The following MARCHF4 variants were observed in gnomAD, a reference collection of about 807,000 sequenced individuals.
MARCHF4 encodes E3 ubiquitin-protein ligase MARCHF4.
Under a neutral mutation model 43.9 loss-of-function variants are expected in MARCHF4, and 14 were observed. That is an observed-to-expected ratio of 0.32 (90% confidence interval 0.21 to 0.50). The LOEUF is 0.50. Among genes scored for constraint, MARCHF4 ranks in the 20% least tolerant of loss-of-function variants. MARCHF4 has a pLI of 0.98. For missense variants in MARCHF4, 468 were observed against 536.7 expected, an observed-to-expected ratio of 0.87 and a Z score of 1.27; for synonymous variants, 226 against 213.3, an observed-to-expected ratio of 1.06 and a Z score of -0.52.
At chr2:216,353,442 G>C (rs1166741976) in intron 1 of MARCHF4, among the ~76,000 whole-genome samples, 1 of 152,228 alleles carries the variant, frequency 6.6e-6, no homozygotes, top group Non-Finnish European at 1.5e-5. Context: ...GAAAGGTGCA[G>C]ATGTATTCAC....
chr2:216,289,192 C>T (rs1048198350), intron 1 of MARCHF4, among the ~76,000 whole-genome samples: 4 of 151,524 alleles, frequency 2.6e-5, no homozygotes, highest in Non-Finnish European at 4.4e-5. Context: ...TATTAACGAG[C>T]TTTACTCACT....
At chr2:216,281,910 T>C (rs1473158188) in intron 2 of MARCHF4, among the ~76,000 whole-genome samples, 2 of 152,192 alleles carry the variant, frequency 1.3e-5, no homozygotes, top group African/African-American at 2.4e-5. Flanking sequence ...TTTCATTTTT[T>C]ACCCCCAGGA....
intron 1 of MARCHF4, among the ~76,000 whole-genome samples, chr2:216,343,361 CT>C (rs1351308101): frequency 6.6e-6 from 1 of 152,164 alleles, no homozygotes; most frequent in Non-Finnish European, 1.5e-5. Context: ...TTGCTGTATT[CT>C]TACATGGCCG....
At chr2:216,317,757 C>T (rs934522652) in intron 1 of MARCHF4, among the ~76,000 whole-genome samples, 4 of 152,196 alleles carry the variant, frequency 2.6e-5, no homozygotes, top group Non-Finnish European at 4.4e-5. Flanking sequence ...TCTCTATAAG[C>T]GGGTAAAGTA....
At chr2:216,353,456 T>A (rs1692432273) in intron 1 of MARCHF4, among the ~76,000 whole-genome samples, 1 of 152,264 alleles carries the variant, frequency 6.6e-6, no homozygotes, top group African/African-American at 2.4e-5. Flanking sequence ...TATTCACTGA[T>A]ATTTTCTAGT....
At chr2:216,333,092 G>A (rs1692105034) in intron 1 of MARCHF4, among the ~76,000 whole-genome samples, 1 of 152,014 alleles carries the variant, frequency 6.6e-6, no homozygotes, top group East Asian at 1.9e-4. Flanking sequence ...ATGATCTTTG[G>A]GACAGGCAAA....
At chr2:216,297,661 G>C (rs953586182) in intron 1 of MARCHF4, among the ~76,000 whole-genome samples, 1 of 152,188 alleles carries the variant, frequency 6.6e-6, no homozygotes, top group South Asian at 2.1e-4. Flanking sequence ...TTACAGGCAT[G>C]TGCCACCACA....
chr2:216,278,124 C>T (rs1400108733), intron 2 of MARCHF4, among the ~76,000 whole-genome samples: 1 of 152,086 alleles, frequency 6.6e-6, no homozygotes, highest in Non-Finnish European at 1.5e-5. Flanking sequence ...GAAAGGAAGA[C>T]CCTTAGACTT....
intron 1 of MARCHF4, among the ~76,000 whole-genome samples, chr2:216,347,333 G>A (rs1692337095): frequency 1.3e-5 from 2 of 152,150 alleles, no homozygotes; most frequent in African/African-American, 2.4e-5. Context: ...CAATCACTCT[G>A]CAATTCTGTA....
At position 216,371,371 on chromosome 2, in the gene MARCHF4, A is replaced by G. The variant is rs1692760796; in HGVS notation, c.-1111T>C. ...CTTCGGTCGAGGGGCAAGAGCCGAG[A>G]GAAGGGCAGGTCCGGGCGGGCGAGT... On this transcript the variant is annotated 5_prime_UTR_variant, in exon 1 of 4. Coordinates refer to ENST00000273067, the MANE Select transcript of MARCHF4 (RefSeq NM_020814.3). The G allele has an allele frequency of 6.5e-6, 1 of 152,754 alleles. No individual in the cohort carries two copies. The highest frequency in any genetic ancestry group is 2.4e-5 in the African/African-American group (1 of 41,450). 9.5% of individuals were successfully genotyped at this position (152,754 alleles called of 1,614,324 possible). A position where few individuals can be genotyped will look rare whatever the true frequency, so the allele number is the denominator to read the frequency against.
intron 1 of MARCHF4, among the ~76,000 whole-genome samples, chr2:216,315,434 G>A (rs1691758119): frequency 1.3e-5 from 2 of 152,124 alleles, no homozygotes; most frequent in East Asian, 3.9e-4. Flanking sequence ...TTGTTGTAAG[G>A]AAGCACCCTC....
intron 1 of MARCHF4, among the ~76,000 whole-genome samples, chr2:216,341,368 C>T (rs1191448880): frequency 1.3e-5 from 2 of 152,220 alleles, no homozygotes; most frequent in African/African-American, 4.8e-5. Flanking sequence ...GCCTGCTTGC[C>T]TATTCCACAG....
chr2:216,271,927 A>T (rs1367970430), intron 3 of MARCHF4, among the ~76,000 whole-genome samples: 1 of 146,854 alleles, frequency 6.8e-6, no homozygotes, highest in African/African-American at 2.5e-5. Flanking sequence ...AGTAGCTGGG[A>T]CTACAGGTGC....
intron 1 of MARCHF4, among the ~76,000 whole-genome samples, chr2:216,338,119 A>G (rs1028551915): frequency 3.3e-5 from 5 of 152,198 alleles, no homozygotes; most frequent in South Asian, 2.1e-4. Context: ...GCCCTGTGGT[A>G]TAGACTTTAT....
intron 1 of MARCHF4, among the ~76,000 whole-genome samples, chr2:216,328,142 AG>A (rs1412431782): frequency 6.6e-6 from 1 of 152,122 alleles, no homozygotes; most frequent in East Asian, 1.9e-4. Context: ...AGGAAAGGCA[AG>A]GGGGCGTACA....
chr2:216,294,856 A>C (rs932775289), intron 1 of MARCHF4, among the ~76,000 whole-genome samples: 3 of 152,242 alleles, frequency 2.0e-5, no homozygotes, highest in Non-Finnish European at 4.4e-5. Flanking sequence ...CTGAGCACTT[A>C]TCAGGTGCCC....
intron 1 of MARCHF4, among the ~76,000 whole-genome samples, chr2:216,352,904 G>A (rs1692422993): frequency 6.6e-6 from 1 of 152,102 alleles, no homozygotes; most frequent in African/African-American, 2.4e-5. Flanking sequence ...AATTCACCAT[G>A]GTACCCAGAA....
At chr2:216,264,939 C>T (rs539602908) in intron 3 of MARCHF4, among the ~76,000 whole-genome samples, 1 of 152,274 alleles carries the variant, frequency 6.6e-6, no homozygotes, top group South Asian at 2.1e-4. Context: ...CCACTCTTCA[C>T]AGCCCTTCCT....
intron 1 of MARCHF4, among the ~76,000 whole-genome samples, chr2:216,315,661 T>G (rs1174052104): frequency 1.3e-5 from 2 of 152,254 alleles, no homozygotes; most frequent in Non-Finnish European, 2.9e-5. Context: ...TCAATGGGAC[T>G]GTATTTCGTT....
Sources: gnomAD v4.1 joint callset for allele counts (sites outside exome capture counted in the v4.1 genomes callset) on GRCh38, gnomAD v4.1.1 for gene constraint, MANE v1.5 for transcripts, NCBI Gene and HGNC (gene_info 2026-07-23, HGNC 2026-07-21) for gene names.